Variants in ANKFN1 observed in about 807,000 individuals in gnomAD.
ANKFN1 encodes the protein ankyrin repeat and fibronectin type III domain containing 1.
Under a neutral mutation model 108.7 loss-of-function variants are expected in ANKFN1, and 74 were observed. The ratio of observed to expected loss-of-function variants is 0.68; its 90% confidence interval spans 0.56 to 0.83. ANKFN1 has a LOEUF of 0.83. Ranked by LOEUF, ANKFN1 falls within the 40% of genes least tolerant of loss-of-function variation. The probability of loss-of-function intolerance (pLI) is 0.00; values close to 1 mark genes in which losing one functional copy is unlikely to be tolerated. For missense variants in ANKFN1, 1,505 were observed against 1,382.3 expected (o/e 1.09, Z -1.41); for synonymous variants, 547 against 516.2 (o/e 1.06, Z -0.81).
intron 1 of ANKFN1, among the ~76,000 whole-genome samples, chr17:56,178,674 C>T (rs1052025516): frequency 1.3e-5 from 2 of 151,460 alleles, no homozygotes; most frequent in African/African-American, 2.4e-5. Flanking sequence ...TCAGGGTGGG[C>T]GGGAATGACA....
chr17:56,105,734 T>C (rs1273124527), intron 4 of ANKFN1, among the ~76,000 whole-genome samples: 1 of 151,608 alleles, frequency 6.6e-6, no homozygotes, highest in Non-Finnish European at 1.5e-5. Context: ...TGTGTGTGTG[T>C]GTGTGTATGA....
At chr17:56,272,412 C>T (rs2043816917) in intron 3 of ANKFN1, among the ~76,000 whole-genome samples, 1 of 152,094 alleles carries the variant, frequency 6.6e-6, no homozygotes, top group South Asian at 2.1e-4. Context: ...TAATATTTGT[C>T]TTTTTTGTAA....
At chr17:56,308,173 C>T (rs1271855313) in intron 3 of ANKFN1, among the ~76,000 whole-genome samples, 1 of 151,350 alleles carries the variant, frequency 6.6e-6, no homozygotes, top group African/African-American at 2.4e-5. Context: ...ACCAACATAG[C>T]ACATGTATAC....
At chr17:56,335,492 G>A (rs962132482) in intron 4 of ANKFN1, among the ~76,000 whole-genome samples, 5 of 152,134 alleles carry the variant, frequency 3.3e-5, no homozygotes, top group South Asian at 2.1e-4. Flanking sequence ...TTGAGAATGG[G>A]AGTTCACTCA....
intron 3 of ANKFN1, among the ~76,000 whole-genome samples, chr17:56,238,757 A>G (rs1917354277): frequency 6.6e-6 from 1 of 152,146 alleles, no homozygotes; most frequent in Non-Finnish European, 1.5e-5. Context: ...GTAAGTTTGA[A>G]TAATTTAATT....
intron 4 of ANKFN1, among the ~76,000 whole-genome samples, chr17:56,121,528 T>C (rs932066923): frequency 2.0e-5 from 3 of 151,982 alleles, no homozygotes; most frequent in African/African-American, 7.2e-5. Flanking sequence ...ACGGGGACTT[T>C]TGCTCTCTTG....
At chr17:56,316,881 G>C (rs1230735161) in intron 3 of ANKFN1, among the ~76,000 whole-genome samples, 1 of 152,158 alleles carries the variant, frequency 6.6e-6, no homozygotes, top group Non-Finnish European at 1.5e-5. Flanking sequence ...CATCTTGTTG[G>C]CTTTCTCTGA....
At chr17:56,092,991 T>A (rs1030556536) in intron 4 of ANKFN1, among the ~76,000 whole-genome samples, 1 of 151,134 alleles carries the variant, frequency 6.6e-6, no homozygotes. Flanking sequence ...TGTGATTAGA[T>A]TAGGTTCACC....
At chr17:56,435,905 A>T (rs1274986894) in intron 8 of ANKFN1, among the ~76,000 whole-genome samples, 1 of 152,150 alleles carries the variant, frequency 6.6e-6, no homozygotes, top group Non-Finnish European at 1.5e-5. Flanking sequence ...CCACATCATA[A>T]GCCTTGAAAT....
intron 18 of ANKFN1, among the ~76,000 whole-genome samples, chr17:56,486,051 T>A (rs983948023): frequency 1.3e-5 from 2 of 152,244 alleles, no homozygotes; most frequent in East Asian, 1.9e-4. Flanking sequence ...CAAATTCAAC[T>A]GTGCCTGTCC....
At chr17:56,063,965 T>C (rs1171904931) in intron 4 of ANKFN1, among the ~76,000 whole-genome samples, 1 of 152,194 alleles carries the variant, frequency 6.6e-6, no homozygotes, top group Non-Finnish European at 1.5e-5. Flanking sequence ...GTTGTTGCTT[T>C]CTGTTTACTT....
chr17:56,457,822 CT>C (rs1343795878), intron 13 of ANKFN1, 40 bp from the exon 14 acceptor site: 1 of 1,468,128 alleles, frequency 6.8e-7, no homozygotes, highest in Non-Finnish European at 9.5e-7. Flanking sequence ...AAATCATGTA[CT>C]GGCTTGGACG....
chr17:56,344,187 A>C (rs762731339), intron 4 of ANKFN1, among the ~76,000 whole-genome samples: 3 of 151,998 alleles, frequency 2.0e-5, no homozygotes, highest in Non-Finnish European at 4.4e-5. Flanking sequence ...ATGATGTAGC[A>C]ACTCTGGAAA....
intron 4 of ANKFN1, among the ~76,000 whole-genome samples, chr17:56,073,267 T>C (rs1009883692): frequency 1.3e-5 from 2 of 152,202 alleles, no homozygotes; most frequent in African/African-American, 2.4e-5. Context: ...GCTGGGATTA[T>C]AGGCGTGAGC....
At chr17:56,349,011 A>G (rs2046177432) in intron 4 of ANKFN1, among the ~76,000 whole-genome samples, 1 of 152,222 alleles carries the variant, frequency 6.6e-6, no homozygotes, top group Non-Finnish European at 1.5e-5. Flanking sequence ...AATAAAGAAC[A>G]TATGGTATAT....
intron 8 of ANKFN1, among the ~76,000 whole-genome samples, chr17:56,405,067 T>G (rs371441029): frequency 2.6e-5 from 4 of 152,026 alleles, no homozygotes; most frequent in African/African-American, 4.8e-5. Context: ...GAGGTGGTGG[T>G]GGGGGGTAGT....
At position 56,431,500 on chromosome 17, in the gene ANKFN1, T is replaced by G. The variant is rs189031183; in HGVS notation, c.911-8827T>G. Among the ~76,000 whole-genome samples, 65 of 152,268 alleles carry G rather than the reference T, an allele frequency of 4.3e-4. 1 individual carries two copies. The East Asian group carries it at 0.012, about 28-fold the overall frequency. On this transcript the variant is annotated intron_variant, in intron 8 of 20. Transcript: ENST00000682825. ...GCTCCCAGGGAGCAAAATGGAACTA[T>G]GAAGATTGTCCTCCCCATATCTATG...
In ANKFN1 at chr17:56,372,650, C is replaced by A; in HGVS notation, c.606C>A (p.Val202=). The A allele has an allele frequency of 6.2e-7, 1 of 1,610,214 alleles. No homozygotes were observed. Among genetic ancestry groups the A allele is most frequent in the Admixed American group, 1.7e-5 (1 of 59,106 alleles). Residue 202 remains valine (V), a synonymous_variant, in exon 7 of 21, where the codon GTC becomes GTA. Coordinates refer to ENST00000682825, the MANE Select transcript of ANKFN1 (RefSeq NM_001370326.1). ...RTGARESPHF[V]SLESRAMHLN... is the part of the protein sequence containing the mutation. ...ATCCCATTTCTTTCCCTTTAGTTGT[C>A]AGCCTGGAAAGCCGAGCAATGCACC...
At chr17:56,283,598 T>G (rs1217234012) in intron 3 of ANKFN1, among the ~76,000 whole-genome samples, 1 of 151,494 alleles carries the variant, frequency 6.6e-6, no homozygotes, top group Non-Finnish European at 1.5e-5. Flanking sequence ...GCAACCTGGA[T>G]AGAACTGGAG....
Sources: gnomAD v4.1 joint callset for allele counts (sites outside exome capture counted in the v4.1 genomes callset) on GRCh38, gnomAD v4.1.1 for gene constraint, MANE v1.5 for transcripts, NCBI Gene and HGNC (gene_info 2026-07-23, HGNC 2026-07-21) for gene names.